CACNA2D3: variants seen among roughly 807,000 people sequenced by gnomAD.
CACNA2D3 encodes the protein calcium voltage-gated channel auxiliary subunit alpha2delta 3, also known as voltage-dependent calcium channel subunit alpha-2/delta-3.
A neutral mutation model predicts 160.6 loss-of-function variants in CACNA2D3; 60 were observed. The observed-to-expected ratio is 0.37, with a 90% CI of 0.30 to 0.46. The LOEUF is 0.46. Ranked by LOEUF, CACNA2D3 falls within the 20% of genes least tolerant of loss-of-function variation. The pLI is 1.00. For missense variants in CACNA2D3, 1,205 were observed against 1,365.0 expected (o/e 0.88, Z 1.85); for synonymous variants, 558 against 492.9 (o/e 1.13, Z -1.75).
chr3:54,321,217 G>C (rs1230817922), intron 3 of CACNA2D3, among the ~76,000 whole-genome samples: 1 of 152,072 alleles, frequency 6.6e-6, no homozygotes, highest in East Asian at 1.9e-4. Flanking sequence ...CTACTTGGGA[G>C]GCTGAGGCAG....
intron 3 of CACNA2D3, among the ~76,000 whole-genome samples, chr3:54,372,486 C>T (rs554452959): frequency 1.3e-5 from 2 of 152,140 alleles, no homozygotes; most frequent in South Asian, 2.1e-4. Context: ...GAACCATGCA[C>T]GGGGTACAGG....
chr3:54,872,705 C>T (rs933223582), intron 18 of CACNA2D3, among the ~76,000 whole-genome samples: 1 of 152,204 alleles, frequency 6.6e-6, no homozygotes. Flanking sequence ...GAGAGCCATA[C>T]CTGTTTTAGA....
intron 4 of CACNA2D3, among the ~76,000 whole-genome samples, chr3:54,432,521 A>T (rs755747463): frequency 3.3e-5 from 5 of 151,984 alleles, no homozygotes. Context: ...ATTATCTGTG[A>T]TTTTTTTTCC....
intron 35 of CACNA2D3, among the ~76,000 whole-genome samples, chr3:55,061,185 G>A (rs1704497618): frequency 6.6e-6 from 1 of 152,238 alleles, no homozygotes; most frequent in Non-Finnish European, 1.5e-5. Flanking sequence ...GTCACAAATG[G>A]AATGCCTTAA....
chr3:54,867,326 C>T (rs916141037), intron 17 of CACNA2D3, among the ~76,000 whole-genome samples: 30 of 152,142 alleles, frequency 2.0e-4, no homozygotes, highest in African/African-American at 6.0e-4. Flanking sequence ...TGTGCCCAGA[C>T]GCAATCGTGT....
At chr3:54,548,263 A>G (rs1021637176) in intron 5 of CACNA2D3, among the ~76,000 whole-genome samples, 1 of 152,220 alleles carries the variant, frequency 6.6e-6, no homozygotes, top group Non-Finnish European at 1.5e-5. Context: ...ATTTTCATCT[A>G]AATAAATGTA....
At chr3:54,682,311 A>G (rs1239266701) in intron 11 of CACNA2D3, among the ~76,000 whole-genome samples, 1 of 152,200 alleles carries the variant, frequency 6.6e-6, no homozygotes. Flanking sequence ...TATCATTAGA[A>G]CGTTGAGAAT....
intron 2 of CACNA2D3, among the ~76,000 whole-genome samples, chr3:54,141,754 G>C: frequency 6.6e-6 from 1 of 152,146 alleles, no homozygotes; most frequent in East Asian, 1.9e-4. Flanking sequence ...CATCTCCAGA[G>C]AAAATGTTAC....
At chr3:54,599,577 C>A (rs765141424) in intron 9 of CACNA2D3, among the ~76,000 whole-genome samples, 4 of 151,898 alleles carry the variant, frequency 2.6e-5, no homozygotes, top group Admixed American at 6.5e-5. Flanking sequence ...CGGTGCTTCA[C>A]GTAAATAAAT....
intron 2 of CACNA2D3, among the ~76,000 whole-genome samples, chr3:54,138,818 T>G (rs1699867464): frequency 1.3e-5 from 2 of 152,228 alleles, no homozygotes; most frequent in Non-Finnish European, 2.9e-5. Context: ...AAGGTGACTA[T>G]TATATTTGCA....
intron 27 of CACNA2D3, among the ~76,000 whole-genome samples, chr3:54,948,276 G>C (rs1701666962): frequency 6.6e-6 from 1 of 152,192 alleles, no homozygotes; most frequent in African/African-American, 2.4e-5. Flanking sequence ...CCTCTTGAGA[G>C]CCCATCCAGA....
intron 2 of CACNA2D3, among the ~76,000 whole-genome samples, chr3:54,265,633 A>G (rs1028167236): frequency 6.7e-5 from 10 of 148,616 alleles, no homozygotes; most frequent in Non-Finnish European, 1.0e-4. Context: ...TATAGTGTGT[A>G]TATATATAGT....
chr3:54,465,487 G>T (rs960420370), intron 4 of CACNA2D3, among the ~76,000 whole-genome samples: 1 of 152,100 alleles, frequency 6.6e-6, no homozygotes, highest in Non-Finnish European at 1.5e-5. Context: ...AGTGTATACA[G>T]GGTTCAGTAC....
At chr3:54,679,388 C>G (rs1162049262) in intron 11 of CACNA2D3, among the ~76,000 whole-genome samples, 1 of 152,168 alleles carries the variant, frequency 6.6e-6, no homozygotes, top group Admixed American at 6.5e-5. Flanking sequence ...GATGCTAGAG[C>G]GGTTGAGGGA....
chr3:54,309,094 C>T lies in CACNA2D3; in HGVS notation c.205-11348C>T, dbSNP rs373197807. On this transcript the variant is annotated intron_variant, in intron 2 of 37. Transcript: ENST00000474759. ...TGGGGTTGTGAGGATGTATGTATAG[C>T]GTAAATATTCTCATTTCAGAGCCTC... Among the ~76,000 whole-genome samples, 3 of 152,184 alleles carry T rather than the reference C, an allele frequency of 2.0e-5. No individual in the cohort carries two copies. In the South Asian group the frequency reaches 6.2e-4, roughly 32 times the overall value.
At chr3:54,592,879 C>A (rs1328537310) in intron 9 of CACNA2D3, among the ~76,000 whole-genome samples, 1 of 152,158 alleles carries the variant, frequency 6.6e-6, no homozygotes, top group Non-Finnish European at 1.5e-5. Flanking sequence ...CAGTACTTTT[C>A]TTTCAGCCTG....
At chr3:54,278,327 A>C (rs562698274) in intron 2 of CACNA2D3, among the ~76,000 whole-genome samples, 2 of 152,360 alleles carry the variant, frequency 1.3e-5, no homozygotes, top group African/African-American at 4.8e-5. Flanking sequence ...ATCATTAAAA[A>C]GTGAGGAAAC....
chr3:54,207,142 C>CA (rs1355231552), intron 2 of CACNA2D3, among the ~76,000 whole-genome samples: 1 of 151,428 alleles, frequency 6.6e-6, no homozygotes, highest in African/African-American at 2.4e-5. Flanking sequence ...GAAATGTAGT[C>CA]TTCTTGGGTG....
At position 54,320,553 on chromosome 3, in the gene CACNA2D3, G is replaced by T; in HGVS notation, c.316G>T (p.Val106Phe). 1 of 1,542,182 alleles carries T rather than the reference G, an allele frequency of 6.5e-7. No homozygotes were observed. Among genetic ancestry groups the T allele is most frequent in the Non-Finnish European group, 8.8e-7 (1 of 1,138,144 alleles). ...GATGTTTCACAAGAAGTCTGAGGCCGTCAGGGTAAGTGCCTATGTTTTGTG... is the reference window on the plus strand; with the variant it reads ...GATGTTTCACAAGAAGTCTGAGGCCTTCAGGGTAAGTGCCTATGTTTTGTG... Reference protein sequence around the residue: ...EEMFHKKSEAVRRLVEAAEEA... With the variant: ...EEMFHKKSEAFRRLVEAAEEA... Residue 106 changes from valine to phenylalanine, a missense_variant, in exon 3 of 38, where the codon GTC becomes TTC. Coordinates refer to ENST00000474759, the MANE Select transcript of CACNA2D3 (RefSeq NM_018398.3).
Sources: gnomAD v4.1 joint callset for allele counts (sites outside exome capture counted in the v4.1 genomes callset) on GRCh38, gnomAD v4.1.1 for gene constraint, MANE v1.5 for transcripts, NCBI Gene and HGNC (gene_info 2026-07-23, HGNC 2026-07-21) for gene names.